ZNF839: variants seen among roughly 807,000 people sequenced by gnomAD.
The protein encoded by ZNF839 is zinc finger protein 839.
Under a neutral mutation model 56.4 loss-of-function variants are expected in ZNF839, and 38 were observed. The observed-to-expected ratio is 0.67, with a 90% CI of 0.52 to 0.88. The LOEUF (loss-of-function observed/expected upper bound fraction) is 0.88, where lower values mean the gene tolerates loss of function less well. ZNF839 is among the 40% of genes least tolerant of loss of function. ZNF839 has a pLI of 0.00. For missense variants in ZNF839, 1,091 were observed against 1,177.6 expected (o/e 0.93, Z 1.08); for synonymous variants, 486 against 493.5 (o/e 0.98, Z 0.20).
At position 102,319,824 on chromosome 14, in the gene ZNF839, G is replaced by A. The variant is rs2139438028; in HGVS notation, c.59G>A (p.Gly20Asp). The A allele has an allele frequency of 8.1e-7, 1 of 1,231,782 alleles. No individual in the cohort carries two copies. The highest frequency in any genetic ancestry group is 1.0e-6 in the Non-Finnish European group (1 of 988,542). 76.3% of individuals were successfully genotyped at this position (1,231,782 alleles called of 1,614,324 possible). A position where few individuals can be genotyped will look rare whatever the true frequency, so the allele number is the denominator to read the frequency against. ...AGCGAGGATGGCGGCGGCGGCGGCGGCCCGGCTCCTCCGGGCCAGAGCGGC... is the reference window on the plus strand; with the variant it reads ...AGCGAGGATGGCGGCGGCGGCGGCGACCCGGCTCCTCCGGGCCAGAGCGGC... The part of the protein sequence containing the change: ...GGSEDGGGGG[G>D]PAPPGQSGSV... The change falls in exon 1 of 8, where the codon GGC (glycine) becomes GAC (aspartate). Residue 20 changes from glycine to aspartate, a missense_variant. Physicochemically the swap from Gly to Asp is moderately conservative, Grantham distance 94. Around this residue, in one of 3 missense-constraint regions of ZNF839, gnomAD observed 614 missense variants for 629.2 expected, o/e 0.98. Coordinates refer to ENST00000442396, the MANE Select transcript of ZNF839 (RefSeq NM_018335.6). The surrounding 1 kb of genome is among the most constrained non-coding windows in gnomAD (Gnocchi z 4.5).
rs2073033702 is a variant in ZNF839, at chr14:102,319,980, C to T, written c.215C>T (p.Ala72Val). 3 of 1,174,814 alleles carry T rather than the reference C, an allele frequency of 2.6e-6. No homozygotes were observed. Among genetic ancestry groups the T allele is most frequent in the East Asian group, 3.9e-5 (1 of 25,376 alleles). 72.8% of individuals were successfully genotyped at this position (1,174,814 alleles called of 1,614,324 possible). A position where few individuals can be genotyped will look rare whatever the true frequency, so the allele number is the denominator to read the frequency against. ...GACGCGGCGCGGCGGCTGCGGGACGCGGCCCAACAGGCCGCCCTGCAGCGG... is the reference window on the plus strand; with the variant it reads ...GACGCGGCGCGGCGGCTGCGGGACGTGGCCCAACAGGCCGCCCTGCAGCGG... Reference protein sequence around the residue: ...LRDAARRLRDAAQQAALQRGR... With the variant: ...LRDAARRLRDVAQQAALQRGR... Residue 72 changes from alanine to valine, a missense_variant, in exon 1 of 8, where the codon GCG becomes GTG. Ala to Val is a moderately conservative substitution (Grantham distance 64). Around this residue, in one of 3 missense-constraint regions of ZNF839, gnomAD observed 614 missense variants for 629.2 expected, o/e 0.98. Transcript: ENST00000442396. The surrounding 1 kb of genome is among the most constrained non-coding windows in gnomAD (Gnocchi z 4.5).
intron 2 of ZNF839, among the ~76,000 whole-genome samples, chr14:102,329,788 CCT>C (rs1491264629): frequency 7.5e-6 from 1 of 133,230 alleles, no homozygotes; most frequent in African/African-American, 3.2e-5. Context: ...ATAGAGATAA[CCT>C]TTTTTTTTTT....
At position 102,331,652 on chromosome 14, in the gene ZNF839, T is replaced by G; in HGVS notation, c.1222T>G (p.Leu408Val). ...NGQSVDVEETLPSEPENGALL... is the reference protein window; with the variant it reads ...NGQSVDVEETVPSEPENGALL... ...TCAGTCTGTAGACGTTGAAGAGACATTGCCATCTGAACCAGAAAATGGAGC... is the reference window on the plus strand; with the variant it reads ...TCAGTCTGTAGACGTTGAAGAGACAGTGCCATCTGAACCAGAAAATGGAGC... The change falls in exon 3 of 8, where the codon TTG becomes GTG. Residue 408 changes from leucine (L) to valine (V), a missense_variant. Around this residue, in one of 3 missense-constraint regions of ZNF839, gnomAD observed 614 missense variants for 629.2 expected, o/e 0.98. Coordinates refer to ENST00000442396, the MANE Select transcript of ZNF839 (RefSeq NM_018335.6). The G allele has an allele frequency of 6.2e-7, 1 of 1,612,576 alleles. No homozygotes were observed. The highest frequency in any genetic ancestry group is 8.5e-7 in the Non-Finnish European group (1 of 1,179,258).
At chr14:102,325,234 G>A (rs1361704260) in intron 1 of ZNF839, among the ~76,000 whole-genome samples, 5 of 151,166 alleles carry the variant, frequency 3.3e-5, no homozygotes, top group African/African-American at 1.2e-4. Context: ...CAGCTACTCC[G>A]GAGGCTGAGA....
rs2073420358 is a variant in ZNF839 at position 102,326,579 on chromosome 14, A to G, written c.883A>G (p.Arg295Gly). 1 of 1,613,988 alleles carries G rather than the reference A, an allele frequency of 6.2e-7. No individual in the cohort carries two copies. Among genetic ancestry groups the G allele is most frequent in the South Asian group, 1.1e-5 (1 of 91,080 alleles). ...CTGTGTGGAAGAAGATGAAGATCAG[A>G]GGGAGAGGCACGCACTCTTTGACTT... ...ELCVEEDEDQ[R>G]ERHALFDLSS... Residue 295 changes from arginine (R) to glycine (G), a missense_variant, in exon 2 of 8, where the codon AGG becomes GGG. Physicochemically the swap from Arg to Gly is moderately radical, Grantham distance 125 (BLOSUM62 -2). Around this residue, in one of 3 missense-constraint regions of ZNF839, gnomAD observed 614 missense variants for 629.2 expected, o/e 0.98. Transcript: ENST00000442396. The surrounding 1 kb of genome is among the most constrained non-coding windows in gnomAD (Gnocchi z 4.3).
chr14:102,331,598 T>C, intron 2 of ZNF839, 24 bp from the exon 3 acceptor site: 1 of 1,582,940 alleles, frequency 6.3e-7, no homozygotes, highest in Non-Finnish European at 8.6e-7. Context: ...TTTATTTTAC[T>C]TTTGGGTGTG....
intron 3 of ZNF839, 74 bp downstream of exon 3, chr14:102,331,920 A>G: frequency 1.6e-6 from 2 of 1,274,398 alleles, no homozygotes; most frequent in South Asian, 1.4e-5. Context: ...TCAGTTTCTG[A>G]ATCACCTAAG....
In ZNF839 at chr14:102,342,247, A is replaced by T; in HGVS notation, c.*68A>T. 6.6e-7 allele frequency: 1 copy of T among 1,524,718 alleles called. No individual in the cohort carries two copies. The allele number at this position is 1,524,718 out of a possible 1,614,324, so 94.4% of individuals were successfully genotyped here. A position where few individuals can be genotyped will look rare whatever the true frequency, so the allele number is the denominator to read the frequency against. ...AGCCAGAGCCCTCACAGTGAAGTGG[A>T]GTCAGATCCTAGATTCGTCTGATTT... On this transcript the variant is annotated 3_prime_UTR_variant, in exon 8 of 8. Coordinates refer to ENST00000442396, the MANE Select transcript of ZNF839 (RefSeq NM_018335.6).
At chr14:102,320,076 G>A in intron 1 of ZNF839, 23 bp downstream of exon 1, 1 of 1,179,802 alleles carries the variant, frequency 8.5e-7, no homozygotes, top group Non-Finnish European at 1.0e-6. Context: ...GAGGGACGTG[G>A]GGAAACTGAG....
chr14:102,331,757 C>T lies in ZNF839; in HGVS notation c.1327C>T (p.Leu443Phe). The T allele has an allele frequency of 6.2e-7, 1 of 1,602,862 alleles. No homozygotes were observed. Among genetic ancestry groups the T allele is most frequent in the Non-Finnish European group, 8.5e-7 (1 of 1,174,800 alleles). ...CCTTGCAGAGTCCCGCACAGCTGTCCTCCAGCAGAGAAGAGCTGCTCAGCT... is the reference window on the plus strand; with the variant it reads ...CCTTGCAGAGTCCCGCACAGCTGTCTTCCAGCAGAGAAGAGCTGCTCAGCT... ...ETLAESRTAVLQQRRAAQLPG... is the reference protein window; with the variant it reads ...ETLAESRTAVFQQRRAAQLPG... Residue 443 changes from leucine (L) to phenylalanine (F), a missense_variant, in exon 3 of 8, where the codon CTC becomes TTC. Leu to Phe is a conservative substitution (Grantham distance 22). Around this residue, in one of 3 missense-constraint regions of ZNF839, gnomAD observed 614 missense variants for 629.2 expected, o/e 0.98. Transcript: ENST00000442396.
intron 5 of ZNF839, chr14:102,337,137 T>C (rs1885842734): frequency 6.6e-6 from 1 of 152,172 alleles, no homozygotes; most frequent in African/African-American, 2.4e-5. Flanking sequence ...GTCATTGTTA[T>C]TATCAAATTG....
chr14:102,332,207 A>G lies in ZNF839; in HGVS notation c.1416+361A>G, dbSNP rs1386295472. On this transcript the variant is annotated intron_variant, in intron 3 of 7. Transcript: ENST00000442396. This position sits in a 1 kb window ranked among gnomAD's most constrained non-coding sequence, Gnocchi z 4.9. ...GAGTGCAGTGGTGCCATCCCGGCTC[A>G]CTGTGCTTCTCCACCTCCCAGGTTC... 2.6e-5 allele frequency among the ~76,000 whole-genome samples: 4 copies of G among 152,090 alleles called. No homozygotes were observed. The highest frequency in any genetic ancestry group is 1.9e-4 in the East Asian group (1 of 5,164).
chr14:102,341,646 T>G lies in ZNF839; in HGVS notation c.2251T>G (p.Ser751Ala). ...LRSPGFCSPL[S>A]SGGGAESLPP... ...GAGCCCGGGTTTCTGCAGCCCTTTG[T>G]CATCTGGTGGTGGAGCAGAGTCCCT... Residue 751 changes from serine (S) to alanine (A), a missense_variant, in exon 8 of 8, where the codon TCA becomes GCA. Ser to Ala is a moderately conservative substitution (Grantham distance 99). Coordinates refer to ENST00000442396, the MANE Select transcript of ZNF839 (RefSeq NM_018335.6). The G allele has an allele frequency of 1.2e-6, 2 of 1,613,984 alleles. No homozygotes were observed. Among genetic ancestry groups the G allele is most frequent in the Non-Finnish European group, 1.7e-6 (2 of 1,179,888 alleles).
chr14:102,341,827 TGGACTGTGCCTACA>T lies in ZNF839; in HGVS notation c.2443_2456del (p.Tyr815GlnfsTer15). The T allele has an allele frequency of 1.2e-6, 2 of 1,614,034 alleles. No individual in the cohort carries two copies. The highest frequency in any genetic ancestry group is 1.3e-5 in the African/African-American group (1 of 75,062). On this transcript the variant is annotated frameshift_variant, in exon 8 of 8. Coordinates refer to ENST00000442396, the MANE Select transcript of ZNF839 (RefSeq NM_018335.6). LOFTEE classifies it low-confidence loss of function (END_TRUNC). The stretch of plus-strand genomic sequence containing the variant: ...ATTTTGTCTGTGGATAGCGTGGCAG[TGGACTGTGCCTACA>T]GGACTGTGCCCAAGCCAGGGCCTCA...
intron 2 of ZNF839, among the ~76,000 whole-genome samples, chr14:102,328,778 C>G (rs944227348): frequency 2.0e-5 from 3 of 151,946 alleles, no homozygotes; most frequent in Non-Finnish European, 4.4e-5. Flanking sequence ...TGCACGATAT[C>G]CAAGGTTTAT....
intron 2 of ZNF839, among the ~76,000 whole-genome samples, chr14:102,328,372 AAAAATATATATATATATATATAT>A (rs1480460620): frequency 6.7e-5 from 3 of 44,506 alleles, no homozygotes; most frequent in East Asian, 5.0e-4. Flanking sequence ...AAAAAAAAAA[AAAAATATATATATATATATATAT>A]ATATATATAT....
intron 3 of ZNF839, among the ~76,000 whole-genome samples, chr14:102,333,116 CTTAA>C (rs1387936121): frequency 1.3e-5 from 2 of 152,226 alleles, no homozygotes; most frequent in East Asian, 1.9e-4. Context: ...TTTTGAAAGT[CTTAA>C]TTAAACATTT....
Position 102,319,878 on chromosome 14 carries a change from C to T in ZNF839, c.113C>T (p.Pro38Leu). The T allele has an allele frequency of 3.1e-6, 4 of 1,294,768 alleles. No individual in the cohort carries two copies. The highest frequency in any genetic ancestry group is 3.9e-6 in the Non-Finnish European group (4 of 1,019,052). The allele number at this position is 1,294,768 out of a possible 1,614,324, so 80.2% of individuals were successfully genotyped here. A position where few individuals can be genotyped will look rare whatever the true frequency, so the allele number is the denominator to read the frequency against. ...GTCGCACGTGTGGCCCCGCTGGGCC[C>T]CGAGCAGCTGCGGCAGGTCCTGGAG... ...GSVARVAPLGPEQLRQVLEQV... is the reference protein window; with the variant it reads ...GSVARVAPLGLEQLRQVLEQV... Residue 38 changes from proline (P) to leucine (L), a missense_variant, in exon 1 of 8, where the codon CCC becomes CTC. Coordinates refer to ENST00000442396, the MANE Select transcript of ZNF839 (RefSeq NM_018335.6). The surrounding 1 kb of genome is among the most constrained non-coding windows in gnomAD (Gnocchi z 4.5).
chr14:102,335,944 T>C, intron 5 of ZNF839, 106 bp downstream of exon 5: 1 of 1,281,510 alleles, frequency 7.8e-7, no homozygotes. Context: ...TTTGGGAGAC[T>C]GAGGCAGGTG....
Sources: allele counts gnomAD v4.1 joint callset (sites outside exome capture counted in the v4.1 genomes callset), GRCh38; gene constraint gnomAD v4.1.1; regional missense constraint gnomAD v4.1.1; non-coding constraint Gnocchi (gnomAD v3.1); transcripts MANE v1.5; gene names NCBI Gene and HGNC (gene_info 2026-07-23, HGNC 2026-07-21).